TMEM178B: variants seen among roughly 807,000 people sequenced by gnomAD.
TMEM178B encodes the protein transmembrane protein 178B.
Under a neutral mutation model 31.0 loss-of-function variants are expected in TMEM178B, and 5 were observed. That is an observed-to-expected ratio of 0.16 (90% CI 0.08 to 0.34). The LOEUF is 0.34. Ranked by LOEUF, TMEM178B falls within the 10% of genes least tolerant of loss-of-function variation. The probability of loss-of-function intolerance (pLI) is 1.00; values close to 1 mark genes in which losing one functional copy is unlikely to be tolerated. For synonymous variants in TMEM178B, 164 were observed against 164.0 expected (o/e 1.00, Z 0.00); for missense variants, 275 against 400.3 (o/e 0.69, Z 2.67).
At chr7:141,094,368 A>G (rs1230990449) in intron 1 of TMEM178B, among the ~76,000 whole-genome samples, 2 of 152,222 alleles carry the variant, frequency 1.3e-5, no homozygotes, top group Admixed American at 6.5e-5. Flanking sequence ...GTACTTTAGC[A>G]TCTTTTTATT....
intron 2 of TMEM178B, among the ~76,000 whole-genome samples, chr7:141,324,185 C>T (rs879536988): frequency 1.3e-5 from 2 of 151,998 alleles, no homozygotes; most frequent in Admixed American, 1.3e-4. Context: ...GATCGGAGGA[C>T]AGATATTATA....
intron 1 of TMEM178B, among the ~76,000 whole-genome samples, chr7:141,166,115 G>A (rs888402093): frequency 6.6e-6 from 1 of 152,228 alleles, no homozygotes; most frequent in African/African-American, 2.4e-5. Flanking sequence ...AGCAGCATTT[G>A]CCACAATTGC....
intron 3 of TMEM178B, among the ~76,000 whole-genome samples, chr7:141,446,399 G>A (rs981214743): frequency 6.6e-6 from 1 of 152,240 alleles, no homozygotes; most frequent in Admixed American, 6.5e-5. Flanking sequence ...ATGTTCGCCA[G>A]AGCAGGAGGA....
intron 1 of TMEM178B, among the ~76,000 whole-genome samples, chr7:141,164,993 T>G (rs1303964634): frequency 1.3e-5 from 2 of 152,188 alleles, no homozygotes; most frequent in Non-Finnish European, 2.9e-5. Context: ...CATTTTATTT[T>G]GAAATAATTT....
chr7:141,193,691 T>C (rs1796733629), intron 1 of TMEM178B, among the ~76,000 whole-genome samples: 1 of 152,166 alleles, frequency 6.6e-6, no homozygotes, highest in African/African-American at 2.4e-5. Flanking sequence ...CTCCTGTGCA[T>C]CCACCCTACC....
intron 1 of TMEM178B, among the ~76,000 whole-genome samples, chr7:141,095,379 G>A (rs1794940061): frequency 6.6e-6 from 1 of 152,152 alleles, no homozygotes; most frequent in Admixed American, 6.5e-5. Context: ...CTTCTGATGT[G>A]TGTCTGGTAA....
chr7:141,333,715 T>C (rs889328602), intron 2 of TMEM178B, among the ~76,000 whole-genome samples: 2 of 152,312 alleles, frequency 1.3e-5, no homozygotes, highest in African/African-American at 4.8e-5. Flanking sequence ...CTTTTTGGCA[T>C]CAGGAACTGG....
rs1352301320 is a variant in TMEM178B, at chr7:141,473,875, T to TTAAA, written c.*3090_*3093dup. The TTAAA allele has an allele frequency of 1.3e-5, 2 of 152,130 alleles. No individual in the cohort carries two copies. The highest frequency in any genetic ancestry group is 2.9e-5 in the Non-Finnish European group (2 of 68,046). 9.4% of individuals were successfully genotyped at this position (152,130 alleles called of 1,614,324 possible). On this transcript the variant is annotated 3_prime_UTR_variant, in exon 4 of 4. Coordinates refer to ENST00000565468, the MANE Select transcript of TMEM178B (RefSeq NM_001195278.2). ...TCTAGCATAAGGGCTTGACCACAGATTAAAACATGTGACTCCAACCAGTTA... is the reference window on the plus strand; with the variant it reads ...TCTAGCATAAGGGCTTGACCACAGATTAAATAAAACATGTGACTCCAACCAGTTA...
At chr7:141,376,976 C>A (rs1800226093) in intron 2 of TMEM178B, among the ~76,000 whole-genome samples, 1 of 151,814 alleles carries the variant, frequency 6.6e-6, no homozygotes, top group South Asian at 2.1e-4. Flanking sequence ...TAGTGTGCAA[C>A]CTAAGGTCTC....
At chr7:141,419,404 A>C (rs1801160061) in intron 2 of TMEM178B, among the ~76,000 whole-genome samples, 1 of 152,018 alleles carries the variant, frequency 6.6e-6, no homozygotes, top group Non-Finnish European at 1.5e-5. Context: ...TCTCATATTC[A>C]ATTGATCACT....
intron 1 of TMEM178B, among the ~76,000 whole-genome samples, chr7:141,138,027 G>A (rs1795703064): frequency 6.6e-6 from 1 of 151,722 alleles, no homozygotes; most frequent in South Asian, 2.1e-4. Flanking sequence ...TTGGCTTAAG[G>A]TGCTCTTATT....
intron 1 of TMEM178B, among the ~76,000 whole-genome samples, chr7:141,089,245 C>T (rs891066475): frequency 2.0e-5 from 3 of 152,122 alleles, no homozygotes; most frequent in Non-Finnish European, 4.4e-5. Context: ...GGACATCCAG[C>T]AAGACTGGGA....
the TMEM178B span, among the ~76,000 whole-genome samples, chr7:141,487,297 T>A: frequency 1.3e-5 from 2 of 152,042 alleles, no homozygotes. Context: ...GGTATTCAAG[T>A]ATATTTTTGA....
At chr7:141,508,049 C>G in the TMEM178B span, among the ~76,000 whole-genome samples, 2 of 152,196 alleles carry the variant, frequency 1.3e-5, no homozygotes, top group Non-Finnish European at 2.9e-5. Context: ...CCTTTTTTAT[C>G]ACTTAGTCAG....
At chr7:141,463,637 C>T (rs189408678) in intron 3 of TMEM178B, among the ~76,000 whole-genome samples, 1 of 152,200 alleles carries the variant, frequency 6.6e-6, no homozygotes, top group African/African-American at 2.4e-5. Flanking sequence ...CCGAAGAAGG[C>T]CAGGGACAGT....
At chr7:141,360,660 G>A (rs772402781) in intron 2 of TMEM178B, among the ~76,000 whole-genome samples, 3 of 152,204 alleles carry the variant, frequency 2.0e-5, no homozygotes, top group Admixed American at 1.3e-4. Context: ...CATTTCCAGA[G>A]TTAGCGTTAT....
chr7:141,457,786 A>G (rs899198639), intron 3 of TMEM178B, among the ~76,000 whole-genome samples: 14 of 152,230 alleles, frequency 9.2e-5, no homozygotes, highest in South Asian at 2.1e-4. Flanking sequence ...GCAAACATCC[A>G]TCAGTGTGGA....
chr7:141,124,365 T>C, intron 1 of TMEM178B, among the ~76,000 whole-genome samples: 1 of 148,580 alleles, frequency 6.7e-6, no homozygotes, highest in East Asian at 2.0e-4. Context: ...AGACTCTGAC[T>C]AAAAAAAAAA....
intron 2 of TMEM178B, among the ~76,000 whole-genome samples, chr7:141,383,034 G>C (rs117686748): frequency 3.6e-3 from 551 of 152,290 alleles, no homozygotes; most frequent in Admixed American, 5.5e-3. Flanking sequence ...TATGCCCCAA[G>C]TTGTGGCAAA....
Sources: allele counts gnomAD v4.1 joint callset (sites outside exome capture counted in the v4.1 genomes callset), GRCh38; gene constraint gnomAD v4.1.1; transcripts MANE v1.5; gene names NCBI Gene and HGNC (gene_info 2026-07-23, HGNC 2026-07-21).